The following RNPS1 variants were observed in gnomAD, a reference collection of about 807,000 sequenced individuals.
The protein encoded by RNPS1 is RNA binding protein with serine rich domain 1, also known as RNA-binding protein with serine-rich domain 1.
For missense variants in RNPS1, 300 were observed against 427.6 expected, an observed-to-expected ratio of 0.70 and a Z score of 2.63; for synonymous variants, 147 against 150.0, an observed-to-expected ratio of 0.98 and a Z score of 0.15.
chr16:2,260,454 G>GT (rs1567324504), intron 6 of RNPS1, among the ~76,000 whole-genome samples: 2 of 152,116 alleles, frequency 1.3e-5, no homozygotes, highest in South Asian at 2.1e-4. Context: ...AGTTATTTGC[G>GT]TAAGTGCAAT....
chr16:2,264,514 C>T (rs1313887826), intron 2 of RNPS1, 59 bp downstream of exon 2: 11 of 1,559,306 alleles, frequency 7.1e-6, no homozygotes, highest in African/African-American at 1.4e-5. Context: ...CCCCTTTCTG[C>T]GGGTCCCTAG....
intron 1 of RNPS1, chr16:2,266,235 G>A: frequency 1.0e-6 from 1 of 985,460 alleles, no homozygotes; most frequent in East Asian, 1.1e-4. Context: ...AGAAAGAAAA[G>A]CACCTGGCTT....
chr16:2,259,275 T>C (rs2093592045), intron 6 of RNPS1, among the ~76,000 whole-genome samples: 1 of 152,228 alleles, frequency 6.6e-6, no homozygotes, highest in Non-Finnish European at 1.5e-5. Flanking sequence ...TGTATAAATG[T>C]TATTGATATG....
At chr16:2,263,392 G>T in intron 3 of RNPS1, 105 bp from the exon 4 acceptor site, 1 of 1,142,498 alleles carries the variant, frequency 8.8e-7, no homozygotes, top group Non-Finnish European at 1.3e-6. Flanking sequence ...TGCTGTTCGG[G>T]TGCCTCCAGG....
At chr16:2,257,331 G>A (rs1191566694) in intron 6 of RNPS1, 1 of 152,124 alleles carries the variant, frequency 6.6e-6, no homozygotes, top group African/African-American at 2.4e-5. Flanking sequence ...CCGGCATGTG[G>A]CTATGTATTC....
chr16:2,263,337 A>T, intron 3 of RNPS1, 50 bp from the exon 4 acceptor site: 3 of 1,578,896 alleles, frequency 1.9e-6, no homozygotes, highest in Non-Finnish European at 2.6e-6. Context: ...GTCTCACAGT[A>T]CAGACGCCTC....
intron 6 of RNPS1, among the ~76,000 whole-genome samples, chr16:2,259,257 G>C (rs916609156): frequency 6.6e-6 from 1 of 152,162 alleles, no homozygotes; most frequent in Non-Finnish European, 1.5e-5. Flanking sequence ...CTTTGTTTGG[G>C]CTGTATTTGT....
At position 2,263,571 on chromosome 16, in the gene RNPS1, G is replaced by A. The variant is rs2093612153; in HGVS notation, c.228-284C>T. On this transcript the variant is annotated intron_variant, in intron 3 of 7. Transcript: ENST00000320225. ...AAGGACTCTGGCAAAAGTCACAACT[G>A]CCAACTCAGGCTGGGAAGGCAGCTG... 2.0e-5 allele frequency among the ~76,000 whole-genome samples: 3 copies of A among 152,196 alleles called. No individual in the cohort carries two copies. The South Asian group carries it at 6.2e-4, about 31-fold the overall frequency.
intron 6 of RNPS1, among the ~76,000 whole-genome samples, chr16:2,260,984 G>A (rs955509509): frequency 6.6e-6 from 1 of 152,092 alleles, no homozygotes; most frequent in African/African-American, 2.4e-5. Context: ...CAAAAAATTA[G>A]CCAGGCATGG....
rs2093574805 is a variant in RNPS1 at position 2,255,637 on chromosome 16, T to C, written c.766A>G (p.Met256Val). The change falls in exon 7 of 8, where the codon ATG becomes GTG. Residue 256 changes from methionine to valine, a missense_variant. Met to Val is a conservative substitution (Grantham distance 21). Transcript: ENST00000320225. ...PPRRFSPPRR[M>V]LPPPPMWRRS... ...CGCCACATAGGCGGTGGTGGCAACA[T>C]TCTCCTGGGAGGGCTGAATCTCCTG... 3 of 1,610,142 alleles carry C rather than the reference T, an allele frequency of 1.9e-6. No individual in the cohort carries two copies. Among genetic ancestry groups the C allele is most frequent in the Non-Finnish European group, 2.5e-6 (3 of 1,178,364 alleles).
At chr16:2,264,529 A>G in intron 2 of RNPS1, 44 bp downstream of exon 2, 1 of 1,592,446 alleles carries the variant, frequency 6.3e-7, no homozygotes, top group Non-Finnish European at 8.6e-7. Context: ...CCCTAGCAGT[A>G]AGCACCCCCA....
Position 2,264,202 on chromosome 16 carries a change from G to A in RNPS1, c.201C>T (p.Ser67=), listed in dbSNP as rs763078076. The A allele has an allele frequency of 2.9e-5, 47 of 1,613,350 alleles. No homozygotes were observed. Among genetic ancestry groups the A allele is most frequent in the Admixed American group, 1.3e-4 (8 of 60,012 alleles). The change falls in exon 3 of 8, where the codon AGC becomes AGT. Residue 67 remains serine (S), a synonymous_variant. Coordinates refer to ENST00000320225, the MANE Select transcript of RNPS1 (RefSeq NM_080594.4). Reference sequence around the variant, plus strand: ...TGGTACTGCTGCTACCACTGGAAGCGCTGCGCCTCTTTCGGGTTTTGTCCC... The same window carrying A: ...TGGTACTGCTGCTACCACTGGAAGCACTGCGCCTCTTTCGGGTTTTGTCCC... ...RGRDKTRKRR[S]ASSGSSSTRS...
At chr16:2,255,532 G>T in intron 7 of RNPS1, 53 bp downstream of exon 7, 1 of 1,524,876 alleles carries the variant, frequency 6.6e-7, no homozygotes, top group Non-Finnish European at 8.8e-7. Context: ...AAGTCACTGC[G>T]GTCACATGAG....
chr16:2,266,854 TA>T (rs1261417094), intron 1 of RNPS1: 3 of 404,732 alleles, frequency 7.4e-6, no homozygotes, highest in African/African-American at 6.5e-5. Context: ...AAACATCTAA[TA>T]AAAGTTTGCT....
intron 6 of RNPS1, chr16:2,257,587 C>G (rs1474125237): frequency 6.6e-6 from 1 of 152,134 alleles, no homozygotes; most frequent in Non-Finnish European, 1.5e-5. Flanking sequence ...TGTAATCACG[C>G]CCACCCAGAA....
Position 2,255,646 on chromosome 16 carries a change from G to T in RNPS1, c.757C>A (p.Pro253Thr). 6.2e-7 allele frequency: 1 copy of T among 1,612,014 alleles called. No homozygotes were observed. The highest frequency in any genetic ancestry group is 1.1e-5 in the South Asian group (1 of 90,954). ...PRPPPRRFSPPRRMLPPPPMW... is the reference protein window; with the variant it reads ...PRPPPRRFSPTRRMLPPPPMW... ...GGCGGTGGTGGCAACATTCTCCTGG[G>T]AGGGCTGAATCTCCTGGGGGGTGGC... The change falls in exon 7 of 8, where the codon CCC (proline) becomes ACC (threonine). Residue 253 changes from proline (P) to threonine (T), a missense_variant. Coordinates refer to ENST00000320225, the MANE Select transcript of RNPS1 (RefSeq NM_080594.4).
chr16:2,262,637 C>CCA, intron 5 of RNPS1, 103 bp downstream of exon 5: 1 of 1,103,402 alleles, frequency 9.1e-7, no homozygotes. Flanking sequence ...AAACCACATG[C>CCA]CACCACCCCA....
In RNPS1 at chr16:2,264,199, A is replaced by G; in HGVS notation, c.204T>C (p.Ala68=). 1 of 1,613,400 alleles carries G rather than the reference A, an allele frequency of 6.2e-7. No homozygotes were observed. The highest frequency in any genetic ancestry group is 8.5e-7 in the Non-Finnish European group (1 of 1,180,028). ...GRDKTRKRRS[A]SSGSSSTRSR... ...ACCTGGTACTGCTGCTACCACTGGA[A>G]GCGCTGCGCCTCTTTCGGGTTTTGT... is the stretch of plus-strand genomic sequence containing the variant. The change falls in exon 3 of 8, where the codon GCT becomes GCC. Residue 68 remains alanine, a synonymous_variant. Transcript: ENST00000320225.
chr16:2,266,617 C>T (rs1016940943), intron 1 of RNPS1: 1 of 985,384 alleles, frequency 1.0e-6, no homozygotes, highest in East Asian at 1.1e-4. Context: ...GGCTCCTTCC[C>T]CCACAGACAC....
Sources: allele counts gnomAD v4.1 joint callset (sites outside exome capture counted in the v4.1 genomes callset), GRCh38; gene constraint gnomAD v4.1.1; transcripts MANE v1.5; gene names NCBI Gene and HGNC (gene_info 2026-07-23, HGNC 2026-07-21).